The following CADPS variants were observed in gnomAD, a reference collection of about 807,000 sequenced individuals.
The protein encoded by CADPS is calcium dependent secretion activator, also known as calcium-dependent secretion activator 1.
A neutral mutation model predicts 167.3 loss-of-function variants in CADPS; 57 were observed. The ratio of observed to expected loss-of-function variants is 0.34; its 90% CI spans 0.28 to 0.42. The LOEUF is 0.42. CADPS is among the 20% of genes least tolerant of loss of function. CADPS has a pLI of 1.00. For synonymous variants in CADPS, 676 were observed against 635.3 expected, an observed-to-expected ratio of 1.06 and a Z score of -0.96; for missense variants, 1,414 against 1,738.1, an observed-to-expected ratio of 0.81 and a Z score of 3.32.
chr3:62,434,824 T>C (rs1437775102), intron 28 of CADPS, among the ~76,000 whole-genome samples: 1 of 152,150 alleles, frequency 6.6e-6, no homozygotes, highest in Non-Finnish European at 1.5e-5. Context: ...CAGCCTTTTC[T>C]ACAAGGGCAC....
chr3:62,697,691 C>T (rs56022209), intron 3 of CADPS, among the ~76,000 whole-genome samples: 27,971 of 151,966 alleles, frequency 0.18, 3,379 homozygotes, highest in African/African-American at 0.35. Flanking sequence ...CACTGGCTTC[C>T]GTAGTGGTTG....
chr3:62,611,977 G>A (rs1480764698), intron 6 of CADPS, among the ~76,000 whole-genome samples: 1 of 152,180 alleles, frequency 6.6e-6, no homozygotes, highest in Non-Finnish European at 1.5e-5. Context: ...GCTCTGTGGA[G>A]GACAAGGACT....
intron 8 of CADPS, among the ~76,000 whole-genome samples, chr3:62,573,411 C>T (rs561378606): frequency 5.9e-5 from 9 of 152,048 alleles, no homozygotes; most frequent in African/African-American, 9.7e-5. Flanking sequence ...GATCCATGCT[C>T]GTCTATATAT....
chr3:62,738,438 T>A (rs1337810776), intron 3 of CADPS, among the ~76,000 whole-genome samples: 1 of 145,036 alleles, frequency 6.9e-6, no homozygotes, highest in Non-Finnish European at 1.5e-5. Flanking sequence ...TAAAAAAAAA[T>A]TGATGCATTG....
rs899603808 is a variant in CADPS at position 62,421,089 on chromosome 3, C to T, written c.3777+17015G>A. On this transcript the variant is annotated intron_variant, in intron 28 of 29. Coordinates refer to ENST00000383710, the MANE Select transcript of CADPS (RefSeq NM_003716.4). This position sits in a 1 kb window ranked among gnomAD's most constrained non-coding sequence, Gnocchi z 4.7. ...CACCAGCCAGGAGGTAAGAAGTCTG[C>T]GTCAGGTCCCCCATTGAAGTGTTCA... Among the ~76,000 whole-genome samples, 4 of 152,094 alleles carry T rather than the reference C, an allele frequency of 2.6e-5. No homozygotes were observed. The highest frequency in any genetic ancestry group is 6.6e-5 in the Admixed American group (1 of 15,254).
At chr3:62,551,894 C>G (rs2077374505) in intron 10 of CADPS, among the ~76,000 whole-genome samples, 1 of 152,132 alleles carries the variant, frequency 6.6e-6, no homozygotes, top group Non-Finnish European at 1.5e-5. Flanking sequence ...CCTGACCTCC[C>G]TTCTTGTGAC....
intron 1 of CADPS, among the ~76,000 whole-genome samples, chr3:62,873,734 TA>T (rs1475783371): frequency 6.6e-6 from 1 of 151,920 alleles, no homozygotes; most frequent in Non-Finnish European, 1.5e-5. Flanking sequence ...AGCTGTACTT[TA>T]TCAAGGCAGC....
chr3:62,514,379 A>G lies in CADPS; in HGVS notation c.2582-1611T>C, dbSNP rs1462070872. On this transcript the variant is annotated intron_variant, in intron 16 of 29. Coordinates refer to ENST00000383710, the MANE Select transcript of CADPS (RefSeq NM_003716.4). The surrounding 1 kb of genome is among the most constrained non-coding windows in gnomAD (Gnocchi z 4.2). ...AGCCACTTTTGCAGAGGTCACATTAAAGTGGCTGAGCCAATCACGGACAAG... is the reference window on the plus strand; with the variant it reads ...AGCCACTTTTGCAGAGGTCACATTAGAGTGGCTGAGCCAATCACGGACAAG... Among the ~76,000 whole-genome samples the G allele has an allele frequency of 6.6e-6, 1 of 152,110 alleles. No homozygotes were observed. The highest frequency in any genetic ancestry group is 1.9e-4 in the East Asian group (1 of 5,188).
intron 6 of CADPS, among the ~76,000 whole-genome samples, chr3:62,628,115 C>A (rs1046639842): frequency 6.6e-6 from 1 of 152,170 alleles, no homozygotes; most frequent in African/African-American, 2.4e-5. Context: ...AGGCGTTCTG[C>A]TGTGTGACTT....
chr3:62,815,707 C>G (rs147620530), intron 1 of CADPS, among the ~76,000 whole-genome samples: 1 of 152,192 alleles, frequency 6.6e-6, no homozygotes, highest in African/African-American at 2.4e-5. Context: ...CTAACTAAAT[C>G]AAGGCAAAAC....
chr3:62,626,321 C>T, intron 6 of CADPS: 1 of 453,562 alleles, frequency 2.2e-6, no homozygotes. Flanking sequence ...TCATTCACGT[C>T]ACTTTGCAAG....
At chr3:62,741,582 G>GT (rs1186751978) in intron 3 of CADPS, among the ~76,000 whole-genome samples, 2 of 152,172 alleles carry the variant, frequency 1.3e-5, no homozygotes, top group Non-Finnish European at 2.9e-5. Flanking sequence ...ATCCATTCAT[G>GT]TTAAAAACTC....
At chr3:62,515,054 G>T (rs895341617) in intron 16 of CADPS, among the ~76,000 whole-genome samples, 9 of 152,228 alleles carry the variant, frequency 5.9e-5, no homozygotes, top group African/African-American at 2.2e-4. Context: ...AGAACACTGT[G>T]AATTTGACAT....
intron 8 of CADPS, among the ~76,000 whole-genome samples, chr3:62,576,198 T>G (rs1001627162): frequency 6.6e-6 from 1 of 152,184 alleles, no homozygotes; most frequent in East Asian, 1.9e-4. Flanking sequence ...GATTTACCAA[T>G]AGACAAAGCA....
At chr3:62,660,951 A>G (rs1450615761) in intron 4 of CADPS, among the ~76,000 whole-genome samples, 1 of 152,234 alleles carries the variant, frequency 6.6e-6, no homozygotes, top group African/African-American at 2.4e-5. Context: ...GCTGGTGCCC[A>G]GCAGGTTCAA....
At chr3:62,722,826 G>A (rs928968221) in intron 3 of CADPS, among the ~76,000 whole-genome samples, 2 of 152,138 alleles carry the variant, frequency 1.3e-5, no homozygotes, top group Non-Finnish European at 2.9e-5. Flanking sequence ...GTGTGTCTGT[G>A]TGCGTGGTGG....
chr3:62,426,090 C>T (rs926847465), intron 28 of CADPS, among the ~76,000 whole-genome samples: 4 of 152,306 alleles, frequency 2.6e-5, no homozygotes, highest in Admixed American at 2.0e-4. Context: ...TGTATCGCTA[C>T]TTTTCTCTCC....
In CADPS at chr3:62,535,940, G is replaced by GA. The variant is rs111544871; in HGVS notation, c.2103+504dup. The GA allele has an allele frequency of 3.7e-4, 53 of 143,444 alleles. 1 individual carries two copies. The highest frequency in any genetic ancestry group is 1.1e-3 in the African/African-American group (44 of 39,096). The allele number at this position is 143,444 out of a possible 1,614,324, so 8.9% of individuals were successfully genotyped here. The stretch of plus-strand genomic sequence containing the variant: ...GAAAAAATGCTGTGAATATTGTGAA[G>GA]AAAAAAAAAAGCCATCCAAACAAAC... On this transcript the variant is annotated intron_variant, in intron 12 of 29. Coordinates refer to ENST00000383710, the MANE Select transcript of CADPS (RefSeq NM_003716.4).
chr3:62,530,034 G>A (rs1004274235), intron 13 of CADPS, among the ~76,000 whole-genome samples: 5 of 152,146 alleles, frequency 3.3e-5, no homozygotes, highest in African/African-American at 9.7e-5. Flanking sequence ...AAAGGACATA[G>A]GAAACAGGAC....
Sources: allele counts gnomAD v4.1 joint callset (sites outside exome capture counted in the v4.1 genomes callset), GRCh38; gene constraint gnomAD v4.1.1; non-coding constraint Gnocchi (gnomAD v3.1); transcripts MANE v1.5; gene names NCBI Gene and HGNC (gene_info 2026-07-23, HGNC 2026-07-21).